PUM1: variants seen among roughly 807,000 people sequenced by gnomAD.
PUM1 encodes the protein pumilio RNA binding family member 1.
Under a neutral mutation model 131.8 loss-of-function variants are expected in PUM1, and 13 were observed. That is an observed-to-expected ratio of 0.10 (90% CI 0.06 to 0.16). The LOEUF is 0.16. Ranked by LOEUF, PUM1 falls within the 10% of genes least tolerant of loss-of-function variation. The pLI is 1.00. For synonymous variants in PUM1, 509 were observed against 556.5 expected (o/e 0.91, Z 1.20); for missense variants, 961 against 1,512.4 (o/e 0.64, Z 6.05).
At chr1:31,005,339 GAAAC>G (rs935240798) in intron 5 of PUM1, among the ~76,000 whole-genome samples, 7 of 152,100 alleles carry the variant, frequency 4.6e-5, no homozygotes, top group African/African-American at 1.7e-4. Context: ...CCAGGTGTGA[GAAAC>G]AAAGCCGTTC....
intron 3 of PUM1, among the ~76,000 whole-genome samples, chr1:31,016,966 T>C (rs1273135324): frequency 2.6e-5 from 4 of 152,190 alleles, no homozygotes; most frequent in African/African-American, 9.7e-5. Context: ...TAAATAACAC[T>C]TCCTCCACTA....
At chr1:30,935,442 C>T (rs913960295) in intron 21 of PUM1, among the ~76,000 whole-genome samples, 3 of 152,214 alleles carry the variant, frequency 2.0e-5, no homozygotes, top group East Asian at 3.8e-4. Flanking sequence ...AGCACTATCA[C>T]GTTTACCAAT....
chr1:31,015,347 C>CTT (rs1308071061), intron 3 of PUM1, among the ~76,000 whole-genome samples: 1 of 147,822 alleles, frequency 6.8e-6, no homozygotes, highest in Admixed American at 6.8e-5. Context: ...TTTTCTTTTT[C>CTT]TTTTTTTTTT....
rs187427480 is a variant in PUM1, at chr1:30,967,053, G to A, written c.1789+114C>T. On this transcript the variant is annotated intron_variant, in intron 12 of 21. Coordinates refer to ENST00000426105, the MANE Select transcript of PUM1 (RefSeq NM_001020658.2). ...TGATCTCTTTTTGAAACATTACAGG[G>A]TAGAACCGATATACTGAGAATTGCC... 5.4e-6 allele frequency: 7 copies of A among 1,294,446 alleles called. No homozygotes were observed. In the African/African-American group the frequency reaches 7.3e-5, roughly 14 times the overall value. The allele number at this position is 1,294,446 out of a possible 1,614,324, so 80.2% of individuals were successfully genotyped here. A position where few individuals can be genotyped will look rare whatever the true frequency, so the allele number is the denominator to read the frequency against.
intron 2 of PUM1, among the ~76,000 whole-genome samples, chr1:31,048,132 G>A (rs1371741716): frequency 6.6e-6 from 1 of 151,642 alleles, no homozygotes; most frequent in African/African-American, 2.4e-5. Context: ...CCAGCTACTC[G>A]GGAGGCTGAG....
rs1236280044 is a variant in PUM1, at chr1:30,932,660, TATA to T, written c.*548_*550del. The T allele has an allele frequency of 2.7e-3, 393 of 147,096 alleles. 2 individuals are homozygous for T. Among genetic ancestry groups the T allele is most frequent in the East Asian group, 0.021 (105 of 4,962 alleles). 9.1% of individuals were successfully genotyped at this position (147,096 alleles called of 1,614,324 possible). ...TTCATTATATATATATATATATATATATATATTTTTTATAAACAGTGTTAAATG... is the reference window on the plus strand; with the variant it reads ...TTCATTATATATATATATATATATATTATTTTTTATAAACAGTGTTAAATG... On this transcript the variant is annotated 3_prime_UTR_variant, in exon 22 of 22. Coordinates refer to ENST00000426105, the MANE Select transcript of PUM1 (RefSeq NM_001020658.2).
chr1:30,966,379 CTT>C (rs1244981871), intron 12 of PUM1, 101 bp from the exon 13 acceptor site: 3 of 1,150,124 alleles, frequency 2.6e-6, no homozygotes, highest in Non-Finnish European at 3.6e-6. Context: ...TGCTGCCTAT[CTT>C]TTCAAAACAG....
intron 2 of PUM1, among the ~76,000 whole-genome samples, chr1:31,036,397 C>T (rs1295142338): frequency 6.6e-6 from 1 of 152,076 alleles, no homozygotes; most frequent in African/African-American, 2.4e-5. Flanking sequence ...CCTTTTACCA[C>T]TTGTTCCTGT....
In PUM1 at chr1:30,952,174, G is replaced by GA. The variant is rs886680212; in HGVS notation, c.2721+59dup. ...GACTGCTATGCTTAAAAAGGCTAAT[G>GA]AAAATCAAAATGCTCTGCAGATTCT... On this transcript the variant is annotated intron_variant, in intron 16 of 21. Coordinates refer to ENST00000426105, the MANE Select transcript of PUM1 (RefSeq NM_001020658.2). 36 of 1,546,290 alleles carry GA rather than the reference G, an allele frequency of 2.3e-5. No individual in the cohort carries two copies. The African/African-American group carries it at 4.6e-4, about 20-fold the overall frequency.
chr1:30,942,807 G>A lies in PUM1; in HGVS notation c.2995-684C>T, dbSNP rs184693607. On this transcript the variant is annotated intron_variant, in intron 18 of 21. Coordinates refer to ENST00000426105, the MANE Select transcript of PUM1 (RefSeq NM_001020658.2). ...TTTGTTTTGGAGACAAGGCTGGAGC[G>A]CAATGGTGATCACAGCTCACTGCAG... is the stretch of plus-strand genomic sequence containing the variant. Among the ~76,000 whole-genome samples the A allele has an allele frequency of 3.3e-5, 5 of 152,314 alleles. 1 individual carries two copies. The South Asian group carries it at 8.3e-4, about 25-fold the overall frequency.
chr1:30,965,349 CGA>C (rs1289408229), intron 13 of PUM1, among the ~76,000 whole-genome samples: 3 of 152,200 alleles, frequency 2.0e-5, no homozygotes, highest in South Asian at 2.1e-4. Flanking sequence ...TGGGTTCAAT[CGA>C]GAGTTAATGC....
rs558864266 is a variant in PUM1 at position 30,941,255 on chromosome 1, A to G, written c.3138T>C (p.Tyr1046=). 106 of 1,611,782 alleles carry G rather than the reference A, an allele frequency of 6.6e-5. No individual in the cohort carries two copies. The South Asian group carries it at 1.0e-3, about 16-fold the overall frequency. Residue 1046 remains tyrosine (Y), a synonymous_variant, in exon 20 of 22, where the codon TAT becomes TAC. Coordinates refer to ENST00000426105, the MANE Select transcript of PUM1 (RefSeq NM_001020658.2). ...CGTGCTCCAGTACATGTTGGATTAC[A>G]TAATTTCCATATTGATCCTGTTTGA... ...EQLVQDQYGN[Y]VIQHVLEHGR...
chr1:31,043,020 A>G (rs1053192426), intron 2 of PUM1, among the ~76,000 whole-genome samples: 2 of 152,130 alleles, frequency 1.3e-5, no homozygotes, highest in Admixed American at 1.3e-4. Context: ...ACGCCTAGCC[A>G]GAAACAATTA....
intron 2 of PUM1, among the ~76,000 whole-genome samples, chr1:31,038,304 T>C (rs1182531345): frequency 6.6e-6 from 1 of 152,104 alleles, no homozygotes; most frequent in Middle Eastern, 3.2e-3. Flanking sequence ...GTAGAAATTA[T>C]TTAAACAAGG....
chr1:31,013,868 T>C (rs550703635), intron 3 of PUM1, among the ~76,000 whole-genome samples: 1 of 152,232 alleles, frequency 6.6e-6, no homozygotes, highest in South Asian at 2.1e-4. Context: ...TTATAAATAC[T>C]AAGAACTATA....
intron 19 of PUM1, 156 bp downstream of exon 19, chr1:30,941,842 C>T: frequency 2.3e-6 from 2 of 868,064 alleles, no homozygotes; most frequent in Non-Finnish European, 3.5e-6. Context: ...TCATAAAACA[C>T]AAACCAAGCT....
At chr1:31,030,379 A>G (rs1394612680) in intron 2 of PUM1, among the ~76,000 whole-genome samples, 1 of 152,076 alleles carries the variant, frequency 6.6e-6, no homozygotes, top group Non-Finnish European at 1.5e-5. Context: ...GGGTCAAGTT[A>G]GGGCCAAGCA....
At chr1:31,029,377 T>C (rs1229553449) in intron 2 of PUM1, among the ~76,000 whole-genome samples, 1 of 152,210 alleles carries the variant, frequency 6.6e-6, no homozygotes, top group African/African-American at 2.4e-5. Context: ...CTCTCCATAT[T>C]GGGAGATCCC....
At chr1:31,012,588 T>G (rs1200941239) in intron 3 of PUM1, among the ~76,000 whole-genome samples, 1 of 146,780 alleles carries the variant, frequency 6.8e-6, no homozygotes, top group Non-Finnish European at 1.5e-5. Context: ...AGTAAGCTTA[T>G]CTATGAGGCT....
Sources: allele counts gnomAD v4.1 joint callset (sites outside exome capture counted in the v4.1 genomes callset), GRCh38; gene constraint gnomAD v4.1.1; transcripts MANE v1.5; gene names NCBI Gene and HGNC (gene_info 2026-07-23, HGNC 2026-07-21).